CALCR: variants seen among roughly 807,000 people sequenced by gnomAD.
CALCR encodes calcitonin receptor.
Under a neutral mutation model 59.5 loss-of-function variants are expected in CALCR, and 47 were observed. The observed-to-expected ratio is 0.79, with a 90% CI of 0.63 to 1.01. The LOEUF is 1.01. Ranked by LOEUF, CALCR falls within the 50% of genes least tolerant of loss-of-function variation. The pLI, the probability that CALCR is intolerant of heterozygous loss-of-function variation, is 0.00. For synonymous variants in CALCR, 213 were observed against 211.3 expected, an observed-to-expected ratio of 1.01 and a Z score of -0.07; for missense variants, 566 against 597.1, an observed-to-expected ratio of 0.95 and a Z score of 0.54.
chr7:93,540,499 T>C (rs1166363750), intron 2 of CALCR, among the ~76,000 whole-genome samples: 1 of 152,130 alleles, frequency 6.6e-6, no homozygotes, highest in Admixed American at 6.6e-5. Flanking sequence ...CCTGTGTTTC[T>C]TTATTTGCAT....
rs558472267 is a variant in CALCR at position 93,443,403 on chromosome 7, C to A, written c.802+201G>T. ...CCTTATCTTCCTTCTCTGTGCAGACCCTCATGTTCAGCACAGTTGAGATTG... is the reference window on the plus strand; with the variant it reads ...CCTTATCTTCCTTCTCTGTGCAGACACTCATGTTCAGCACAGTTGAGATTG... On this transcript the variant is annotated intron_variant, in intron 9 of 13. Coordinates refer to ENST00000426151, the MANE Select transcript of CALCR (RefSeq NM_001742.4). Among the ~76,000 whole-genome samples, 16 of 152,072 alleles carry A rather than the reference C, an allele frequency of 1.1e-4. No individual in the cohort carries two copies. In the South Asian group the frequency reaches 2.9e-3, roughly 28 times the overall value.
At chr7:93,482,377 T>A (rs1800817769) in intron 3 of CALCR, among the ~76,000 whole-genome samples, 1 of 151,884 alleles carries the variant, frequency 6.6e-6, no homozygotes, top group South Asian at 2.1e-4. Flanking sequence ...ATTTGATGTA[T>A]TATTAATTTC....
Position 93,438,042 on chromosome 7 carries a change from T to A in CALCR, c.930+18A>T, listed in dbSNP as rs749275134. ...AGAGATAATACTACTAATATTGCAA[T>A]AAAAAACTAATTCTCACCACAAGTG... On this transcript the variant is annotated intron_variant, in intron 11 of 13. Transcript: ENST00000426151. 8 of 1,606,086 alleles carry A rather than the reference T, an allele frequency of 5.0e-6. No homozygotes were observed. The African/African-American group carries it at 1.1e-4, about 22-fold the overall frequency.
rs1799504470 is a variant in CALCR at position 93,425,406 on chromosome 7, A to C, written c.*950T>G. On this transcript the variant is annotated 3_prime_UTR_variant, in exon 14 of 14. Transcript: ENST00000426151. ...AGTCTTTTAATTACCAATATTCAAC[A>C]AATTTATCTTTTACTGCTAGATAGC... 6.6e-6 allele frequency: 1 copy of C among 152,592 alleles called. No homozygotes were observed. Among genetic ancestry groups the C allele is most frequent in the Admixed American group, 6.5e-5 (1 of 15,276 alleles). The allele number at this position is 152,592 out of a possible 1,614,324, so 9.5% of individuals were successfully genotyped here.
chr7:93,443,478 G>T, intron 9 of CALCR, 126 bp downstream of exon 9: 1 of 831,932 alleles, frequency 1.2e-6, no homozygotes, highest in Non-Finnish European at 1.9e-6. Context: ...GCCAGTACCT[G>T]TGTTCCATCA....
chr7:93,529,024 G>T (rs922920087), intron 2 of CALCR, among the ~76,000 whole-genome samples: 1 of 152,198 alleles, frequency 6.6e-6, no homozygotes, highest in Admixed American at 6.5e-5. Flanking sequence ...AATGCATATT[G>T]CATGCATTCG....
At chr7:93,473,239 C>T (rs1277246242) in intron 5 of CALCR, among the ~76,000 whole-genome samples, 2 of 151,844 alleles carry the variant, frequency 1.3e-5, no homozygotes, top group Non-Finnish European at 2.9e-5. Flanking sequence ...GTGCCAGGCA[C>T]TGTGCTCAGC....
chr7:93,460,593 G>GTATATATATATATATATATGTATATA (rs1800309128), intron 8 of CALCR, among the ~76,000 whole-genome samples: 1 of 89,360 alleles, frequency 1.1e-5, no homozygotes, highest in African/African-American at 5.3e-5. Context: ...ATATATATAT[G>GTATATATATATATATATATGTATATA]TATATATATA....
chr7:93,522,247 A>G (rs1184949115), intron 2 of CALCR, among the ~76,000 whole-genome samples: 1 of 152,228 alleles, frequency 6.6e-6, no homozygotes, highest in Non-Finnish European at 1.5e-5. Context: ...GGCTTTAAAT[A>G]TCTCAGTGCT....
rs376474893 is a variant in CALCR at position 93,461,978 on chromosome 7, T to C, written c.522-1031A>G. The C allele has an allele frequency of 1.6e-4, 129 of 807,866 alleles. 2 individuals are homozygous for C. The African/African-American group carries it at 1.9e-3, about 12-fold the overall frequency. The allele number at this position is 807,866 out of a possible 1,614,324, so 50.0% of individuals were successfully genotyped here. A position where few individuals can be genotyped will look rare whatever the true frequency, so the allele number is the denominator to read the frequency against. ...ACACTAACTATTCCTAAAAATATCT[T>C]CATGGAATAAAGTTAGAAATGAAGA... is the stretch of plus-strand genomic sequence containing the variant. On this transcript the variant is annotated intron_variant, in intron 7 of 13. Coordinates refer to ENST00000426151, the MANE Select transcript of CALCR (RefSeq NM_001742.4).
intron 2 of CALCR, among the ~76,000 whole-genome samples, chr7:93,521,053 T>TA (rs1298508050): frequency 1.3e-5 from 2 of 152,140 alleles, no homozygotes; most frequent in African/African-American, 2.4e-5. Flanking sequence ...TCCTTCCCTA[T>TA]GTTTCACAGC....
At chr7:93,455,138 AAAC>A (rs1051996882) in intron 8 of CALCR, among the ~76,000 whole-genome samples, 1 of 152,038 alleles carries the variant, frequency 6.6e-6, no homozygotes, top group Non-Finnish European at 1.5e-5. Context: ...GAAAACAAAC[AAAC>A]AACAACAACA....
intron 2 of CALCR, among the ~76,000 whole-genome samples, chr7:93,522,330 T>C (rs1801781948): frequency 6.6e-6 from 1 of 152,180 alleles, no homozygotes; most frequent in Non-Finnish European, 1.5e-5. Context: ...CATCATTCAT[T>C]GAATTGAATA....
At position 93,479,341 on chromosome 7, in the gene CALCR, T is replaced by A. The variant is rs769849291; in HGVS notation, c.205+13A>T. The A allele has an allele frequency of 6.2e-7, 1 of 1,602,256 alleles. No homozygotes were observed. Among genetic ancestry groups the A allele is most frequent in the Non-Finnish European group, 8.5e-7 (1 of 1,174,630 alleles). The stretch of plus-strand genomic sequence containing the variant: ...TGTTTCAAACATATGTTCATATATA[T>A]CCTTCTCTTTACCTTCTCCTTGGTA... On this transcript the variant is annotated intron_variant, in intron 4 of 13. Transcript: ENST00000426151.
At position 93,484,331 on chromosome 7, in the gene CALCR, A is replaced by T. The variant is rs151209951; in HGVS notation, c.51+2600T>A. On this transcript the variant is annotated intron_variant, in intron 3 of 13. Transcript: ENST00000426151. ...AGAGACAGTTACAGAGCTGTTCTTC[A>T]TGGAACTTTGAGAAATGGTCCATCT... Among the ~76,000 whole-genome samples the T allele has an allele frequency of 3.2e-3, 489 of 151,896 alleles. 1 individual carries two copies. Among genetic ancestry groups the T allele is most frequent in the Non-Finnish European group, 5.0e-3 (338 of 67,822 alleles).
intron 2 of CALCR, among the ~76,000 whole-genome samples, chr7:93,560,380 A>G (rs1372419561): frequency 6.6e-6 from 1 of 152,078 alleles, no homozygotes; most frequent in Non-Finnish European, 1.5e-5. Flanking sequence ...CACACTGACT[A>G]TTGGTATCTA....
At chr7:93,554,382 TA>T (rs1789538145) in intron 2 of CALCR, among the ~76,000 whole-genome samples, 1 of 152,094 alleles carries the variant, frequency 6.6e-6, no homozygotes, top group Non-Finnish European at 1.5e-5. Context: ...TCTTATAGAA[TA>T]AGAACCACCT....
intron 2 of CALCR, among the ~76,000 whole-genome samples, chr7:93,489,507 A>G (rs1038749699): frequency 6.6e-6 from 1 of 151,730 alleles, no homozygotes; most frequent in South Asian, 2.1e-4. Context: ...TAAAAAATAG[A>G]TAAGCCACTA....
At chr7:93,516,953 G>A (rs1801663189) in intron 2 of CALCR, among the ~76,000 whole-genome samples, 1 of 151,836 alleles carries the variant, frequency 6.6e-6, no homozygotes, top group Non-Finnish European at 1.5e-5. Context: ...GAGCATAAGA[G>A]TAAGTCAAAG....
Sources: allele counts gnomAD v4.1 joint callset (sites outside exome capture counted in the v4.1 genomes callset), GRCh38; gene constraint gnomAD v4.1.1; transcripts MANE v1.5; gene names NCBI Gene and HGNC (gene_info 2026-07-23, HGNC 2026-07-21).